The following AKAP13 variants were observed in gnomAD, a reference collection of about 807,000 sequenced individuals.
AKAP13 encodes the protein A-kinase anchoring protein 13.
AKAP13 carries 80 observed loss-of-function variants against 264.5 expected under a neutral mutation model. The ratio of observed to expected loss-of-function variants is 0.30; its 90% CI spans 0.25 to 0.36. The LOEUF is 0.36. AKAP13 is among the 10% of genes least tolerant of loss of function. AKAP13 has a pLI of 1.00. For synonymous variants in AKAP13, 1,380 were observed against 1,250.2 expected, an observed-to-expected ratio of 1.10 and a Z score of -2.19; for missense variants, 3,712 against 3,435.2, an observed-to-expected ratio of 1.08 and a Z score of -2.01.
rs866221650 is a variant in AKAP13 at position 85,563,341 on chromosome 15, T to G, written c.663-11790T>G. ...GTAGAATGTGCTTGTTTTTTTTTTT[T>G]TTTTTTTTTTTTTAAAGACGGAGAA... is the stretch of plus-strand genomic sequence containing the variant. On this transcript the variant is annotated intron_variant, in intron 5 of 36. Transcript: ENST00000394518. 6.4e-3 allele frequency among the ~76,000 whole-genome samples: 886 copies of G among 138,332 alleles called. 13 individuals are homozygous for G. The highest frequency in any genetic ancestry group is 0.024 in the African/African-American group (837 of 34,856). The allele number at this position is 138,332 out of a possible 152,430, so 90.8% of individuals were successfully genotyped here. A position where few individuals can be genotyped will look rare whatever the true frequency, so the allele number is the denominator to read the frequency against.
At chr15:85,447,878 T>C (rs978440461) in intron 1 of AKAP13, among the ~76,000 whole-genome samples, 1 of 152,190 alleles carries the variant, frequency 6.6e-6, no homozygotes, top group Non-Finnish European at 1.5e-5. Flanking sequence ...ATCCTCTGGG[T>C]ATATACTCAA....
At chr15:85,613,691 A>AAAAATATAT (rs1313187436) in intron 8 of AKAP13, among the ~76,000 whole-genome samples, 135 of 91,952 alleles carry the variant, frequency 1.5e-3, no homozygotes, top group Middle Eastern at 5.3e-3. Flanking sequence ...AAAAAAAAAA[A>AAAAATATAT]ATATATATAT....
In AKAP13 at chr15:85,521,563, A is replaced by G. The variant is rs766751725; in HGVS notation, c.169A>G (p.Thr57Ala). Residue 57 changes from threonine (T) to alanine (A), a missense_variant, in exon 3 of 37, where the codon ACC becomes GCC. This residue lies in a region of AKAP13 where 2,759 missense variants were observed against 2,411.7 expected (regional missense o/e 1.14). Transcript: ENST00000394518. ...TRKVSSDTLE[T>A]IAPGHDCCET... ...GAAGGTCAGTTCTGATACATTGGAG[A>G]CCATTGCTCCTGGTAAGTATTTGAA... 3.7e-6 allele frequency: 6 copies of G among 1,613,946 alleles called. No homozygotes were observed. The highest frequency in any genetic ancestry group is 4.2e-6 in the Non-Finnish European group (5 of 1,179,914).
At chr15:85,628,309 C>G (rs150198375) in intron 8 of AKAP13, among the ~76,000 whole-genome samples, 1 of 152,222 alleles carries the variant, frequency 6.6e-6, no homozygotes, top group African/African-American at 2.4e-5. Flanking sequence ...TGGTTTCTTG[C>G]CTAAAGTGAG....
At chr15:85,744,240 GCTAA>G (rs1349374967) in intron 36 of AKAP13, 9 of 301,106 alleles carry the variant, frequency 3.0e-5, no homozygotes, top group East Asian at 1.8e-4. Context: ...GCTCACAGAG[GCTAA>G]CTAATGTGCC....
At chr15:85,692,611 C>G (rs1387133494) in intron 16 of AKAP13, among the ~76,000 whole-genome samples, 1 of 152,110 alleles carries the variant, frequency 6.6e-6, no homozygotes, top group Non-Finnish European at 1.5e-5. Context: ...TTTCCAGCCT[C>G]CCCTTCTTAT....
Position 85,580,001 on chromosome 15 carries a change from C to G in AKAP13, c.1933C>G (p.Gln645Glu), listed in dbSNP as rs1188792128. Residue 645 changes from glutamine (Q) to glutamate (E), a missense_variant, in exon 7 of 37, where the codon CAA becomes GAA. Gln to Glu is a conservative substitution (Grantham distance 29). This residue lies in a region of AKAP13 where 2,759 missense variants were observed against 2,411.7 expected (regional missense o/e 1.14). Coordinates refer to ENST00000394518, the MANE Select transcript of AKAP13 (RefSeq NM_007200.5). ...SETNSSHAQSQKGKSSPICST... is the reference protein window; with the variant it reads ...SETNSSHAQSEKGKSSPICST... Reference sequence around the variant, plus strand: ...AACAAATTCATCTCATGCTCAAAGCCAAAAGGGCAAATCCTCACCCATTTG... The same window carrying G: ...AACAAATTCATCTCATGCTCAAAGCGAAAAGGGCAAATCCTCACCCATTTG... 2 of 1,614,062 alleles carry G rather than the reference C, an allele frequency of 1.2e-6. No individual in the cohort carries two copies.
intron 1 of AKAP13, among the ~76,000 whole-genome samples, chr15:85,429,586 T>A (rs973614300): frequency 6.6e-6 from 1 of 152,176 alleles, no homozygotes; most frequent in African/African-American, 2.4e-5. Flanking sequence ...GTGCACATAA[T>A]TGGTGAGTAT....
intron 8 of AKAP13, among the ~76,000 whole-genome samples, chr15:85,626,998 T>C (rs1258125995): frequency 1.3e-5 from 2 of 152,220 alleles, no homozygotes; most frequent in Non-Finnish European, 2.9e-5. Context: ...ATTTCCCTAA[T>C]GCACACTTAC....
chr15:85,421,924 G>GTCT lies in AKAP13; in HGVS notation c.-12+41127_-12+41129dup, dbSNP rs1487890278. Among the ~76,000 whole-genome samples, 3 of 152,170 alleles carry GTCT rather than the reference G, an allele frequency of 2.0e-5. No individual in the cohort carries two copies. In the East Asian group the frequency reaches 5.8e-4, roughly 29 times the overall value. Reference sequence around the variant, plus strand: ...TCACCATTCGTGCTCCATAAGGGAGGTCTATACTCTATCTCTCATATATCC... The same window carrying GTCT: ...TCACCATTCGTGCTCCATAAGGGAGGTCTTCTATACTCTATCTCTCATATATCC... On this transcript the variant is annotated intron_variant, in intron 1 of 36. Transcript: ENST00000394518.
At chr15:85,434,400 G>A (rs1442516250) in intron 1 of AKAP13, among the ~76,000 whole-genome samples, 13 of 152,136 alleles carry the variant, frequency 8.5e-5, no homozygotes, top group Non-Finnish European at 1.6e-4. Flanking sequence ...GGGGAGGGGC[G>A]CCCGCCATTG....
At chr15:85,433,554 T>A (rs746119725) in intron 1 of AKAP13, among the ~76,000 whole-genome samples, 5 of 152,120 alleles carry the variant, frequency 3.3e-5, no homozygotes, top group Non-Finnish European at 5.9e-5. Flanking sequence ...TTAGCCTTTG[T>A]TTTTTGGTTT....
At chr15:85,594,397 CAT>C (rs2079716296) in intron 8 of AKAP13, among the ~76,000 whole-genome samples, 2 of 152,152 alleles carry the variant, frequency 1.3e-5, no homozygotes, top group South Asian at 4.1e-4. Context: ...TACAGGTAAA[CAT>C]ATAGGTGCTT....
chr15:85,460,328 G>A (rs1452992285), intron 1 of AKAP13, among the ~76,000 whole-genome samples: 1 of 152,194 alleles, frequency 6.6e-6, no homozygotes, highest in Non-Finnish European at 1.5e-5. Context: ...TCCCTGGAAA[G>A]TACACAGCCC....
intron 12 of AKAP13, among the ~76,000 whole-genome samples, chr15:85,664,246 A>G (rs2083482362): frequency 6.6e-6 from 1 of 152,246 alleles, no homozygotes; most frequent in South Asian, 2.1e-4. Context: ...GAAAAAACAC[A>G]TATATAAAAT....
intron 8 of AKAP13, chr15:85,620,254 C>T (rs894847891): frequency 1.5e-6 from 2 of 1,347,244 alleles, no homozygotes; most frequent in African/African-American, 1.4e-5. Context: ...GTCCCTGGCC[C>T]TCCTGTATTG....
intron 19 of AKAP13, among the ~76,000 whole-genome samples, 189 bp from the exon 20 acceptor site, chr15:85,715,599 A>G (rs1370162478): frequency 1.3e-5 from 2 of 151,052 alleles, no homozygotes; most frequent in African/African-American, 4.9e-5. Flanking sequence ...CAGATGGGTC[A>G]GTACCAGGTG....
chr15:85,551,956 T>C (rs2077974206), intron 5 of AKAP13, among the ~76,000 whole-genome samples: 1 of 152,216 alleles, frequency 6.6e-6, no homozygotes. Context: ...CTGCATTTAT[T>C]ATTGGCAGAA....
chr15:85,422,805 G>A (rs2072582988), intron 1 of AKAP13, among the ~76,000 whole-genome samples: 1 of 151,834 alleles, frequency 6.6e-6, no homozygotes, highest in Admixed American at 6.6e-5. Context: ...GATATTTTCT[G>A]GTTGTGAAAA....
Sources: allele counts gnomAD v4.1 joint callset (sites outside exome capture counted in the v4.1 genomes callset), GRCh38; gene constraint gnomAD v4.1.1; regional missense constraint gnomAD v4.1.1; transcripts MANE v1.5; gene names NCBI Gene and HGNC (gene_info 2026-07-23, HGNC 2026-07-21).